CREBRF: variants seen among roughly 807,000 people sequenced by gnomAD.
The protein encoded by CREBRF is CREB3 regulatory factor.
CREBRF carries 5 observed loss-of-function variants against 66.1 expected under a neutral mutation model. That is an observed-to-expected ratio of 0.08 (90% CI 0.04 to 0.16). The LOEUF (loss-of-function observed/expected upper bound fraction) is 0.16. Among genes scored for constraint, CREBRF ranks in the 10% least tolerant of loss-of-function variants. CREBRF has a pLI of 1.00. For synonymous variants in CREBRF, 229 were observed against 264.4 expected (o/e 0.87, Z 1.30); for missense variants, 531 against 744.9 (o/e 0.71, Z 3.34).
At chr5:173,119,108 G>C (rs1759077090) in intron 7 of CREBRF, among the ~76,000 whole-genome samples, 1 of 152,090 alleles carries the variant, frequency 6.6e-6, no homozygotes, top group South Asian at 2.1e-4. Flanking sequence ...GCTAGTTCTT[G>C]TTAGACCTCC....
At chr5:173,105,084 A>T (rs970436882) in intron 4 of CREBRF, among the ~76,000 whole-genome samples, 6 of 152,290 alleles carry the variant, frequency 3.9e-5, no homozygotes, top group Admixed American at 3.3e-4. Flanking sequence ...TTTAGTTCGT[A>T]TAAATGGAGC....
At chr5:173,124,560 A>C (rs1461458320) in intron 8 of CREBRF, 3 of 86,106 alleles carry the variant, frequency 3.5e-5, no homozygotes, top group African/African-American at 1.3e-4. Context: ...ACTCTGTCTC[A>C]AAAAAAAAAA....
chr5:173,107,686 A>G (rs576324145), intron 4 of CREBRF, among the ~76,000 whole-genome samples: 23 of 152,288 alleles, frequency 1.5e-4, no homozygotes, highest in African/African-American at 5.5e-4. Flanking sequence ...AGAAGTGTAT[A>G]CAGCTGGGCT....
intron 7 of CREBRF, among the ~76,000 whole-genome samples, chr5:173,114,060 T>C (rs984461787): frequency 6.6e-6 from 1 of 152,242 alleles, no homozygotes; most frequent in African/African-American, 2.4e-5. Context: ...CACATAGGTG[T>C]TCAATAAACT....
At chr5:173,082,939 A>C (rs1250454094) in intron 2 of CREBRF, among the ~76,000 whole-genome samples, 2 of 123,092 alleles carry the variant, frequency 1.6e-5, no homozygotes, top group Non-Finnish European at 3.5e-5. Flanking sequence ...AAAAAAAAAA[A>C]AAAAAAACCG....
rs1437291492 is a variant in CREBRF at position 173,083,200 on chromosome 5, C to T, written c.9+2416C>T. 3.9e-5 allele frequency among the ~76,000 whole-genome samples: 6 copies of T among 152,078 alleles called. No individual in the cohort carries two copies. The East Asian group carries it at 9.7e-4, about 24-fold the overall frequency. ...CTGAGATCATGCCAACAGAGCGAGA[C>T]TCTGTCTCTCCAAAAAAAAATAAAT... On this transcript the variant is annotated intron_variant, in intron 2 of 8. Transcript: ENST00000296953.
At chr5:173,069,199 T>A (rs1757529740) in intron 1 of CREBRF, among the ~76,000 whole-genome samples, 1 of 152,056 alleles carries the variant, frequency 6.6e-6, no homozygotes, top group Admixed American at 6.5e-5. Flanking sequence ...ATTTATTGAG[T>A]GTCTGTTTTG....
intron 4 of CREBRF, among the ~76,000 whole-genome samples, chr5:173,095,683 G>A (rs991913837): frequency 5.9e-5 from 9 of 151,948 alleles, no homozygotes; most frequent in Non-Finnish European, 1.0e-4. Context: ...TATTTTGGCC[G>A]TATTAATTCT....
At chr5:173,123,612 T>TGG (rs1759194467) in intron 8 of CREBRF, 1 of 172,322 alleles carries the variant, frequency 5.8e-6, no homozygotes, top group Admixed American at 6.5e-5. Flanking sequence ...TTGCACAATG[T>TGG]GGGGAGGATC....
At chr5:173,132,751 C>T (rs1193297818) in intron 8 of CREBRF, among the ~76,000 whole-genome samples, 1 of 149,204 alleles carries the variant, frequency 6.7e-6, no homozygotes. Context: ...AGACATGTGC[C>T]ACCACACCTG....
At chr5:173,118,778 G>A (rs1353471205) in intron 7 of CREBRF, among the ~76,000 whole-genome samples, 1 of 149,092 alleles carries the variant, frequency 6.7e-6, no homozygotes, top group Admixed American at 6.7e-5. Flanking sequence ...GGTGGCTCAT[G>A]CCTGTAATCC....
chr5:173,097,535 G>A (rs11955003), intron 4 of CREBRF, among the ~76,000 whole-genome samples: 4,110 of 152,194 alleles, frequency 0.027, 188 homozygotes, highest in African/African-American at 0.093. Context: ...GTGAGCCCTC[G>A]TGCCTGGCCG....
At chr5:173,077,142 A>C (rs1246803598) in intron 1 of CREBRF, among the ~76,000 whole-genome samples, 1 of 151,756 alleles carries the variant, frequency 6.6e-6, no homozygotes, top group Non-Finnish European at 1.5e-5. Flanking sequence ...ACGGGGTTTC[A>C]CCATATTGGC....
chr5:173,064,348 C>T (rs773550175), intron 1 of CREBRF, among the ~76,000 whole-genome samples: 20 of 152,180 alleles, frequency 1.3e-4, no homozygotes, highest in South Asian at 8.3e-4. Flanking sequence ...CTTCTAGCAT[C>T]CTAGTGGTAT....
chr5:173,137,307 A>G lies in CREBRF; in HGVS notation c.*3562A>G, dbSNP rs1388447242. Reference sequence around the variant, plus strand: ...CAGAACTATTACAAAAGCATCATGAAGGATTTCAGATGGGTATGGTTTCAA... The same window carrying G: ...CAGAACTATTACAAAAGCATCATGAGGGATTTCAGATGGGTATGGTTTCAA... On this transcript the variant is annotated 3_prime_UTR_variant, in exon 9 of 9. Transcript: ENST00000296953. 1 of 152,082 alleles carries G rather than the reference A, an allele frequency of 6.6e-6. No homozygotes were observed. Among genetic ancestry groups the G allele is most frequent in the Non-Finnish European group, 1.5e-5 (1 of 67,942 alleles). The allele number at this position is 152,082 out of a possible 1,614,324, so 9.4% of individuals were successfully genotyped here.
chr5:173,094,288 T>A (rs1758421590), intron 4 of CREBRF, among the ~76,000 whole-genome samples: 1 of 152,234 alleles, frequency 6.6e-6, no homozygotes, highest in Non-Finnish European at 1.5e-5. Flanking sequence ...TTATTTATTT[T>A]GGCTGTATCC....
chr5:173,095,227 TGCTCAG>T (rs974961811), intron 4 of CREBRF, among the ~76,000 whole-genome samples: 2 of 148,832 alleles, frequency 1.3e-5, no homozygotes, highest in African/African-American at 2.5e-5. Flanking sequence ...CTCGTTCTGT[TGCTCAG>T]GCTGGAGTGC....
At chr5:173,128,803 C>T (rs897636735) in intron 8 of CREBRF, among the ~76,000 whole-genome samples, 11 of 151,864 alleles carry the variant, frequency 7.2e-5, no homozygotes, top group South Asian at 2.1e-4. Flanking sequence ...ATTTTTGAGA[C>T]GGAGTCTCGC....
chr5:173,069,964 G>A (rs1561792920), intron 1 of CREBRF, among the ~76,000 whole-genome samples: 2 of 151,740 alleles, frequency 1.3e-5, no homozygotes, highest in African/African-American at 4.8e-5. Flanking sequence ...ATGCAGTGGC[G>A]TGATCTCGGC....
Sources: allele counts gnomAD v4.1 joint callset (sites outside exome capture counted in the v4.1 genomes callset), GRCh38; gene constraint gnomAD v4.1.1; transcripts MANE v1.5; gene names NCBI Gene and HGNC (gene_info 2026-07-23, HGNC 2026-07-21).